The following RDX variants were observed in gnomAD, a reference collection of about 807,000 sequenced individuals.
RDX encodes deafness, autosomal recessive 24.
Under a neutral mutation model 83.7 loss-of-function variants are expected in RDX, and 32 were observed. The ratio of observed to expected loss-of-function variants is 0.38; its 90% CI spans 0.29 to 0.51. The LOEUF is 0.51. Among genes scored for constraint, RDX ranks in the 20% least tolerant of loss-of-function variants. RDX has a pLI of 0.87. For missense variants in RDX, 600 were observed against 689.9 expected (o/e 0.87, Z 1.46); for synonymous variants, 229 against 222.7 (o/e 1.03, Z -0.25).
intron 15 of RDX, among the ~76,000 whole-genome samples, chr11:110,182,051 A>G (rs1349645850): frequency 6.6e-6 from 1 of 152,104 alleles, no homozygotes; most frequent in African/African-American, 2.4e-5. Flanking sequence ...CCAGCACAAG[A>G]GAAGGTGGGG....
intron 3 of RDX, among the ~76,000 whole-genome samples, chr11:110,268,781 T>TA (rs1027142837): frequency 6.6e-6 from 1 of 151,994 alleles, no homozygotes; most frequent in African/African-American, 2.4e-5. Flanking sequence ...GTTTTTTTTT[T>TA]AATTAATATA....
chr11:110,242,409 AG>A (rs1865134412), intron 10 of RDX, among the ~76,000 whole-genome samples: 1 of 151,294 alleles, frequency 6.6e-6, no homozygotes, highest in African/African-American at 2.4e-5. Context: ...ACTCCAGCCT[AG>A]GGGACAAGAG....
At chr11:110,277,133 T>C (rs753612546) in intron 2 of RDX, among the ~76,000 whole-genome samples, 22 of 152,296 alleles carry the variant, frequency 1.4e-4, no homozygotes, top group Middle Eastern at 3.4e-3. Context: ...CAACACACAA[T>C]TGATATCCAA....
chr11:110,291,023 G>A (rs1037904318), intron 1 of RDX, among the ~76,000 whole-genome samples: 8 of 152,264 alleles, frequency 5.3e-5, no homozygotes, highest in South Asian at 4.1e-4. Context: ...AAAAAGGACC[G>A]AAGACATGTA....
intron 12 of RDX, among the ~76,000 whole-genome samples, chr11:110,234,622 G>C (rs1327827976): frequency 1.3e-5 from 2 of 152,092 alleles, no homozygotes; most frequent in Admixed American, 6.5e-5. Context: ...CTTGATATCT[G>C]TAATATGCTA....
chr11:110,272,851 A>G, intron 2 of RDX: 1 of 538,712 alleles, frequency 1.9e-6, no homozygotes, highest in South Asian at 1.8e-5. Flanking sequence ...AGCCCTTGCT[A>G]TAATACTAGG....
chr11:110,230,393 T>G lies in RDX; in HGVS notation c.*1476A>C, dbSNP rs1209735780. 1 of 152,158 alleles carries G rather than the reference T, an allele frequency of 6.6e-6. No homozygotes were observed. The highest frequency in any genetic ancestry group is 6.5e-5 in the Admixed American group (1 of 15,268). 9.4% of individuals were successfully genotyped at this position (152,158 alleles called of 1,614,324 possible). Reference sequence around the variant, plus strand: ...AGCTATAACCGAAATTAATATAAACTAAAATTATAATTTCTAAAATAAGAA... The same window carrying G: ...AGCTATAACCGAAATTAATATAAACGAAAATTATAATTTCTAAAATAAGAA... On this transcript the variant is annotated 3_prime_UTR_variant, in exon 14 of 14. Coordinates refer to ENST00000645495, the MANE Select transcript of RDX (RefSeq NM_002906.4).
intron 14 of RDX, among the ~76,000 whole-genome samples, chr11:110,201,431 A>G (rs1331231223): frequency 3.3e-5 from 5 of 152,202 alleles, no homozygotes; most frequent in African/African-American, 4.8e-5. Flanking sequence ...AGGGAATAGA[A>G]CTGAAGGAGA....
intron 15 of RDX, among the ~76,000 whole-genome samples, chr11:110,197,296 A>G (rs1863238905): frequency 6.6e-6 from 1 of 152,168 alleles, no homozygotes; most frequent in Admixed American, 6.5e-5. Context: ...TGCTGTGGAG[A>G]AGCCCTGGGG....
Position 110,236,140 on chromosome 11 carries a change from T to C in RDX, c.1303A>G (p.Lys435Glu), listed in dbSNP as rs758524429. ...GTAGCTTCCTCTTCCTTTTTCTTCTTGGCTTCCTCTAGAAGTGCAATCTTG... is the reference window on the plus strand; with the variant it reads ...GTAGCTTCCTCTTCCTTTTTCTTCTCGGCTTCCTCTAGAAGTGCAATCTTG... ...TAKIALLEEA[K>E]KKKEEEATEW... Residue 435 changes from lysine to glutamate, a missense_variant, in exon 12 of 14, where the codon AAG becomes GAG. Transcript: ENST00000645495. 3.7e-6 allele frequency: 6 copies of C among 1,612,326 alleles called. No homozygotes were observed. Among genetic ancestry groups the C allele is most frequent in the Middle Eastern group, 2.1e-4 (1 of 4,794 alleles).
intron 14 of RDX, among the ~76,000 whole-genome samples, chr11:110,216,785 T>C (rs1012097997): frequency 6.6e-6 from 1 of 152,182 alleles, no homozygotes; most frequent in Non-Finnish European, 1.5e-5. Flanking sequence ...CCCAAATTGC[T>C]GGGATTACAG....
At chr11:110,249,096 G>A (rs896364979) in intron 9 of RDX, among the ~76,000 whole-genome samples, 12 of 152,020 alleles carry the variant, frequency 7.9e-5, no homozygotes, top group African/African-American at 2.9e-4. Context: ...TCTATGTTAG[G>A]GGCAAAAATA....
In RDX at chr11:110,294,070, C is replaced by G. The variant is rs894848612; in HGVS notation, c.-65+2397G>C. 7.2e-5 allele frequency among the ~76,000 whole-genome samples: 11 copies of G among 152,356 alleles called. No homozygotes were observed. In the South Asian group the frequency reaches 2.3e-3, roughly 32 times the overall value. ...AAATATATAAAGACTTTCACTTCAA[C>G]AGCCTGCCAAAGATAAAAAATGAAT... On this transcript the variant is annotated intron_variant, in intron 1 of 13. Coordinates refer to ENST00000645495, the MANE Select transcript of RDX (RefSeq NM_002906.4).
intron 10 of RDX, among the ~76,000 whole-genome samples, chr11:110,246,054 C>A (rs893055419): frequency 2.6e-5 from 4 of 152,292 alleles, no homozygotes; most frequent in African/African-American, 9.6e-5. Context: ...TATGCCACCA[C>A]ACCTAGCTCA....
chr11:110,252,357 C>T (rs1859369881), intron 9 of RDX, among the ~76,000 whole-genome samples: 1 of 152,130 alleles, frequency 6.6e-6, no homozygotes, highest in South Asian at 2.1e-4. Flanking sequence ...AGAAGCAATA[C>T]AGTATTTCTC....
chr11:110,182,458 G>A (rs924714513), intron 15 of RDX, among the ~76,000 whole-genome samples: 2 of 152,216 alleles, frequency 1.3e-5, no homozygotes, highest in Non-Finnish European at 1.5e-5. Flanking sequence ...AAAACCAGCC[G>A]GGTGTGGTGG....
intron 1 of RDX, among the ~76,000 whole-genome samples, chr11:110,292,394 C>T (rs1482196189): frequency 3.3e-5 from 5 of 151,936 alleles, no homozygotes; most frequent in Non-Finnish European, 7.4e-5. Context: ...CACTTGAGCC[C>T]AGGAGGTCAA....
At chr11:110,248,166 T>G (rs1473086272) in intron 9 of RDX, among the ~76,000 whole-genome samples, 1 of 152,082 alleles carries the variant, frequency 6.6e-6, no homozygotes, top group Non-Finnish European at 1.5e-5. Context: ...CACTAAAATC[T>G]CAGAATACAC....
chr11:110,266,107 A>T lies in RDX; in HGVS notation c.97-1233T>A, dbSNP rs544745532. ...TGGGAGGCCGAGGCGGGCGGATCAC[A>T]AAGTCAGGAGATCAAGACCATCCTG... On this transcript the variant is annotated intron_variant, in intron 3 of 13. Coordinates refer to ENST00000645495, the MANE Select transcript of RDX (RefSeq NM_002906.4). Among the ~76,000 whole-genome samples the T allele has an allele frequency of 1.8e-4, 28 of 152,050 alleles. 2 individuals carry two copies. In the East Asian group the frequency reaches 5.4e-3, roughly 29 times the overall value.
Sources: gnomAD v4.1 joint callset for allele counts (sites outside exome capture counted in the v4.1 genomes callset) on GRCh38, gnomAD v4.1.1 for gene constraint, MANE v1.5 for transcripts, NCBI Gene and HGNC (gene_info 2026-07-23, HGNC 2026-07-21) for gene names.